PRDM2: variants seen among roughly 807,000 people sequenced by gnomAD.
PRDM2 encodes the protein PR/SET domain 2.
A neutral mutation model predicts 130.0 loss-of-function variants in PRDM2; 30 were observed. That is an observed-to-expected ratio of 0.23 (90% CI 0.17 to 0.31). The LOEUF (loss-of-function observed/expected upper bound fraction) is 0.31. Among genes scored for constraint, PRDM2 ranks in the 10% least tolerant of loss-of-function variants. The pLI is 1.00. For synonymous variants in PRDM2, 871 were observed against 782.4 expected (o/e 1.11, Z -1.89); for missense variants, 2,011 against 2,108.4 (o/e 0.95, Z 0.90).
At chr1:13,794,063 A>G (rs1286665881) in intron 8 of PRDM2, among the ~76,000 whole-genome samples, 2 of 152,190 alleles carry the variant, frequency 1.3e-5, no homozygotes, top group African/African-American at 4.8e-5. Flanking sequence ...ATAGAAATGG[A>G]AATTCCAAGT....
rs141219491 is a variant in PRDM2, at chr1:13,744,127, T to A, written c.384+1970T>A. Among the ~76,000 whole-genome samples, 669 of 152,314 alleles carry A rather than the reference T, an allele frequency of 4.4e-3. 4 individuals carry two copies. Among genetic ancestry groups the A allele is most frequent in the Non-Finnish European group, 7.7e-3 (521 of 68,016 alleles). ...CATGTAGATATTAGGACACTGCAAT[T>A]CCTTCATTGTACTTCAAGTTAAAAT... On this transcript the variant is annotated intron_variant, in intron 5 of 9. Coordinates refer to ENST00000311066, the MANE Select transcript of PRDM2 (RefSeq NM_001393986.1).
intron 6 of PRDM2, among the ~76,000 whole-genome samples, chr1:13,770,589 T>C (rs1376635471): frequency 6.6e-6 from 1 of 152,168 alleles, no homozygotes; most frequent in Non-Finnish European, 1.5e-5. Context: ...TTTTACACTG[T>C]GGCCCTTCTT....
At chr1:13,720,160 T>C (rs976246970) in intron 2 of PRDM2, among the ~76,000 whole-genome samples, 10 of 152,360 alleles carry the variant, frequency 6.6e-5, no homozygotes, top group African/African-American at 2.4e-4. Context: ...GAGTTACTTA[T>C]ATAAATTTAA....
chr1:13,786,381 A>T (rs1644740109), intron 8 of PRDM2: 22 of 1,235,342 alleles, frequency 1.8e-5, no homozygotes, highest in Non-Finnish European at 2.5e-5. Flanking sequence ...CTCGTTCCTA[A>T]ATGCCTTCAG....
chr1:13,769,105 C>T (rs1644299493), intron 6 of PRDM2: 1 of 982,636 alleles, frequency 1.0e-6, no homozygotes, highest in Admixed American at 6.1e-5. Context: ...TTTCATTCCT[C>T]TTTCTTGTCT....
At chr1:13,749,290 G>T in intron 5 of PRDM2, 71 bp from the exon 6 acceptor site, 4 of 1,274,588 alleles carry the variant, frequency 3.1e-6, no homozygotes, top group African/African-American at 3.2e-5. Context: ...CCCGCGTCCC[G>T]GTGCGCGCCC....
rs368750214 is a variant in PRDM2 at position 13,782,518 on chromosome 1, A to T, written c.4723A>T (p.Asn1575Tyr). ...AAAACCAAGCTCCTCCTCTTTAAGG[A>T]ACTCCAGCCCGATAAGAATGGCCAA... is the stretch of plus-strand genomic sequence containing the variant. ...SKKPSSSSLR[N>Y]SSPIRMAKIT... The change falls in exon 8 of 10, where the codon AAC (asparagine) becomes TAC (tyrosine). Residue 1575 changes from asparagine to tyrosine, a missense_variant. Physicochemically the swap from Asn to Tyr is moderately radical, Grantham distance 143. Transcript: ENST00000311066. The T allele has an allele frequency of 6.2e-7, 1 of 1,614,142 alleles. No individual in the cohort carries two copies. The highest frequency in any genetic ancestry group is 1.3e-5 in the African/African-American group (1 of 75,050).
intron 6 of PRDM2, among the ~76,000 whole-genome samples, chr1:13,763,714 CTTCT>C: frequency 6.6e-6 from 1 of 152,222 alleles, no homozygotes; most frequent in East Asian, 1.9e-4. Flanking sequence ...TTGTTGGCGT[CTTCT>C]TTATGAAAAA....
chr1:13,806,315 C>G lies in PRDM2; in HGVS notation c.5037-10112C>G, dbSNP rs989569981. Among the ~76,000 whole-genome samples, 1 of 152,086 alleles carries G rather than the reference C, an allele frequency of 6.6e-6. No homozygotes were observed. The highest frequency in any genetic ancestry group is 1.5e-5 in the Non-Finnish European group (1 of 68,022). On this transcript the variant is annotated intron_variant, in intron 8 of 9. Transcript: ENST00000311066. This position sits in a 1 kb window ranked among gnomAD's most constrained non-coding sequence, Gnocchi z 4.1. Reference sequence around the variant, plus strand: ...GTCCCCTCGCTCCGTCTCCGCTCCCCCTTGGTGATCTCATCCAGTCACATG... The same window carrying G: ...GTCCCCTCGCTCCGTCTCCGCTCCCGCTTGGTGATCTCATCCAGTCACATG...
rs1642578591 is a variant in PRDM2 at position 13,717,453 on chromosome 1, T to C, written c.9+1839T>C. ...GAGTTCTTCCAAAGTGGAATCTAAA[T>C]GTTAATATTGTTCTTGTTGCATCGC... On this transcript the variant is annotated intron_variant, in intron 2 of 9. Transcript: ENST00000311066. 4.1e-6 allele frequency: 4 copies of C among 982,502 alleles called. No homozygotes were observed. In the South Asian group the frequency reaches 1.4e-4, roughly 35 times the overall value. 60.9% of individuals were successfully genotyped at this position (982,502 alleles called of 1,614,324 possible). A position where few individuals can be genotyped will look rare whatever the true frequency, so the allele number is the denominator to read the frequency against.
intron 2 of PRDM2, among the ~76,000 whole-genome samples, chr1:13,719,853 T>A (rs1642667278): frequency 6.6e-6 from 1 of 152,158 alleles, no homozygotes. Flanking sequence ...TATACAAAGA[T>A]GGGTTCGTAG....
Position 13,781,160 on chromosome 1 carries a change from A to G in PRDM2, c.3365A>G (p.Gln1122Arg), listed in dbSNP as rs1168474428. The G allele has an allele frequency of 6.2e-7, 1 of 1,614,198 alleles. No individual in the cohort carries two copies. Among genetic ancestry groups the G allele is most frequent in the African/African-American group, 1.3e-5 (1 of 75,050 alleles). Residue 1122 changes from glutamine (Q) to arginine (R), a missense_variant, in exon 8 of 10, where the codon CAG becomes CGG. Physicochemically the swap from Gln to Arg is conservative, Grantham distance 43 (BLOSUM62 1). This residue lies in a region of PRDM2 where 229 missense variants were observed against 364.1 expected (regional missense o/e 0.63). Transcript: ENST00000311066. This position sits in a 1 kb window ranked among gnomAD's most constrained non-coding sequence, Gnocchi z 6.1. ...GAAGAGCCCCAGTCTGCTGCTGAAC[A>G]GGATGTTGTTGTTCAGGAAACATTC... ...PREEPQSAAEQDVVVQETFNK... is the reference protein window; with the variant it reads ...PREEPQSAAERDVVVQETFNK...
At chr1:13,710,772 C>T (rs1642343951) in intron 1 of PRDM2, among the ~76,000 whole-genome samples, 1 of 152,154 alleles carries the variant, frequency 6.6e-6, no homozygotes, top group African/African-American at 2.4e-5. Context: ...AGCAGAGGCA[C>T]TTAATTGTTT....
At chr1:13,711,738 A>G (rs1642377346) in intron 1 of PRDM2, among the ~76,000 whole-genome samples, 1 of 152,184 alleles carries the variant, frequency 6.6e-6, no homozygotes, top group Non-Finnish European at 1.5e-5. Context: ...TATTTTATGT[A>G]TATAGCTTGA....
intron 6 of PRDM2, among the ~76,000 whole-genome samples, chr1:13,766,779 C>G (rs1220859466): frequency 6.6e-6 from 1 of 152,172 alleles, no homozygotes; most frequent in African/African-American, 2.4e-5. Flanking sequence ...GAGGAGGCAG[C>G]ACATCTAGAG....
At chr1:13,747,325 A>G (rs1643640981) in intron 5 of PRDM2, among the ~76,000 whole-genome samples, 1 of 152,240 alleles carries the variant, frequency 6.6e-6, no homozygotes, top group Non-Finnish European at 1.5e-5. Flanking sequence ...GTGACTTATA[A>G]CAAAAAAATA....
chr1:13,753,120 A>G (rs1338647954), intron 6 of PRDM2, among the ~76,000 whole-genome samples: 1 of 152,192 alleles, frequency 6.6e-6, no homozygotes, highest in African/African-American at 2.4e-5. Flanking sequence ...CTCCTACGTC[A>G]CAGCCTCATT....
chr1:13,795,923 G>C (rs1644916130), intron 8 of PRDM2, among the ~76,000 whole-genome samples: 1 of 152,176 alleles, frequency 6.6e-6, no homozygotes. Flanking sequence ...GTGCTGCATA[G>C]AACTGGATTC....
chr1:13,772,727 T>C (rs2100633868), intron 6 of PRDM2, among the ~76,000 whole-genome samples: 1 of 152,338 alleles, frequency 6.6e-6, no homozygotes, highest in Non-Finnish European at 1.5e-5. Flanking sequence ...TGTGTGGCAT[T>C]GAAATTCAAT....
Sources: allele counts gnomAD v4.1 joint callset (sites outside exome capture counted in the v4.1 genomes callset), GRCh38; gene constraint gnomAD v4.1.1; regional missense constraint gnomAD v4.1.1; non-coding constraint Gnocchi (gnomAD v3.1); transcripts MANE v1.5; gene names NCBI Gene and HGNC (gene_info 2026-07-23, HGNC 2026-07-21).